The following RGMA variants were observed in gnomAD, a reference collection of about 807,000 sequenced individuals.
RGMA encodes repulsive guidance molecule BMP co-receptor a, also known as repulsive guidance molecule A.
Under a neutral mutation model 23.2 loss-of-function variants are expected in RGMA, and 10 were observed. That is an observed-to-expected ratio of 0.43 (90% CI 0.27 to 0.73). RGMA has a LOEUF of 0.73. Ranked by LOEUF, RGMA falls within the 30% of genes least tolerant of loss-of-function variation. RGMA has a pLI of 0.20. For synonymous variants in RGMA, 308 were observed against 279.3 expected (o/e 1.10, Z -1.03); for missense variants, 547 against 630.5 (o/e 0.87, Z 1.42).
At chr15:93,080,528 G>T (rs1187436699) in intron 1 of RGMA, among the ~76,000 whole-genome samples, 2 of 152,224 alleles carry the variant, frequency 1.3e-5, no homozygotes, top group African/African-American at 4.8e-5. Context: ...CCTCTGATGA[G>T]ATCACAGCTG....
rs577863941 is a variant in RGMA, at chr15:93,052,461, G to C, written c.177C>G (p.Ser59Arg). ...KILKCNSEFW[S>R]ATSGSHAPAS... ...CTGGGGCGTGGCTGCCCGACGTGGC[G>C]CTCCAGAACTCAGAGTTGCACTTGA... Residue 59 changes from serine to arginine, a missense_variant, in exon 3 of 4, where the codon AGC (serine) becomes AGG (arginine). By Grantham distance (110) the Ser-to-Arg change is moderately radical (BLOSUM62 -1). This residue lies in a region of RGMA where 214 missense variants were observed against 234.7 expected (regional missense o/e 0.91). Coordinates refer to ENST00000329082, the MANE Select transcript of RGMA (RefSeq NM_020211.3). The C allele has an allele frequency of 6.3e-7, 1 of 1,588,994 alleles. No homozygotes were observed. Among genetic ancestry groups the C allele is most frequent in the Non-Finnish European group, 8.5e-7 (1 of 1,172,860 alleles).
rs1045450157 is a variant in RGMA at position 93,056,590 on chromosome 15, G to A, written c.131-4083C>T. 1.3e-5 allele frequency among the ~76,000 whole-genome samples: 2 copies of A among 152,106 alleles called. 1 individual carries two copies. Among genetic ancestry groups the A allele is most frequent in the South Asian group, 4.1e-4 (2 of 4,824 alleles). On this transcript the variant is annotated intron_variant, in intron 2 of 3. Transcript: ENST00000329082. ...GTTGCACACAGGAACCAGGGTCCCCGTCTCCCCGACTCCTCTGTAGGCTTC... is the reference window on the plus strand; with the variant it reads ...GTTGCACACAGGAACCAGGGTCCCCATCTCCCCGACTCCTCTGTAGGCTTC...
Position 93,052,139 on chromosome 15 carries a change from C to T in RGMA, c.499G>A (p.Gly167Arg), listed in dbSNP as rs756255260. The T allele has an allele frequency of 1.9e-6, 3 of 1,613,848 alleles. No individual in the cohort carries two copies. Among genetic ancestry groups the T allele is most frequent in the South Asian group, 1.1e-5 (1 of 91,068 alleles). ...GTGAAAGTCCTGAGGTGTGGGTCCC[C>T]GAAGAGGCCACAGTGCGTGTAGTTG... ...TPNYTHCGLF[G>R]DPHLRTFTDR... The change falls in exon 3 of 4, where the codon GGG becomes AGG. Residue 167 changes from glycine to arginine, a missense_variant. Around this residue, in one of 3 missense-constraint regions of RGMA, gnomAD observed 128 missense variants for 191.7 expected, o/e 0.67. Coordinates refer to ENST00000329082, the MANE Select transcript of RGMA (RefSeq NM_020211.3).
At chr15:93,075,702 C>T (rs1169844084) in intron 1 of RGMA, among the ~76,000 whole-genome samples, 3 of 152,290 alleles carry the variant, frequency 2.0e-5, no homozygotes, top group Non-Finnish European at 1.5e-5. Context: ...TCGGAAGAGG[C>T]CCCAGGCCAT....
At chr15:93,073,878 G>A (rs11854629) in intron 1 of RGMA, 44,051 of 1,465,722 alleles carry the variant, frequency 0.03, 1,000 homozygotes, top group African/African-American at 0.086. Context: ...CCTTGGCACA[G>A]CTGCCACTCC....
chr15:93,073,101 C>T (rs1381160754), intron 1 of RGMA, 70 bp from the exon 2 acceptor site: 7 of 1,402,840 alleles, frequency 5.0e-6, no homozygotes, highest in Admixed American at 2.6e-5. Context: ...CTCGCTCCGC[C>T]GGCGGGAGCA....
intron 1 of RGMA, among the ~76,000 whole-genome samples, chr15:93,081,306 C>T (rs1379815886): frequency 6.6e-6 from 1 of 152,176 alleles, no homozygotes; most frequent in Non-Finnish European, 1.5e-5. Context: ...CATTCTGAGG[C>T]CTCATCTGTA....
intron 2 of RGMA, among the ~76,000 whole-genome samples, chr15:93,058,180 C>G (rs536862960): frequency 5.3e-5 from 8 of 152,300 alleles, no homozygotes; most frequent in African/African-American, 1.9e-4. Flanking sequence ...TTTCCCCACC[C>G]AGAGAGAACT....
rs370418158 is a variant in RGMA at position 93,038,376 on chromosome 15, A to C, written c.*6622T>G. 2 of 152,140 alleles carry C rather than the reference A, an allele frequency of 1.3e-5. No homozygotes were observed. The highest frequency in any genetic ancestry group is 4.8e-5 in the African/African-American group (2 of 41,430). 9.4% of individuals were successfully genotyped at this position (152,140 alleles called of 1,614,324 possible). A position where few individuals can be genotyped will look rare whatever the true frequency, so the allele number is the denominator to read the frequency against. On this transcript the variant is annotated 3_prime_UTR_variant, in exon 4 of 4. Transcript: ENST00000329082. ...CCATACCTGAGATTTGCACACAGGA[A>C]AGTGCAGTCCCTGCCCTTGTGTGTC...
At chr15:93,053,632 G>A (rs548662934) in intron 2 of RGMA, among the ~76,000 whole-genome samples, 1 of 152,320 alleles carries the variant, frequency 6.6e-6, no homozygotes, top group Admixed American at 6.5e-5. Context: ...AGGCTAACGC[G>A]AGCACGAGTG....
chr15:93,037,233 G>A lies in RGMA; in HGVS notation c.*7765C>T, dbSNP rs557333044. Reference sequence around the variant, plus strand: ...TCATTGTTCCCTCACAGCTGAGATAGCTGAGGCTGCAAAACAAGGAAAACC... The same window carrying A: ...TCATTGTTCCCTCACAGCTGAGATAACTGAGGCTGCAAAACAAGGAAAACC... On this transcript the variant is annotated 3_prime_UTR_variant, in exon 4 of 4. Coordinates refer to ENST00000329082, the MANE Select transcript of RGMA (RefSeq NM_020211.3). The surrounding 1 kb of genome is among the most constrained non-coding windows in gnomAD (Gnocchi z 4.3). 4.1e-4 allele frequency: 63 copies of A among 152,360 alleles called. No individual in the cohort carries two copies. The highest frequency in any genetic ancestry group is 1.3e-3 in the African/African-American group (56 of 41,570). The allele number at this position is 152,360 out of a possible 1,614,324, so 9.4% of individuals were successfully genotyped here. A position where few individuals can be genotyped will look rare whatever the true frequency, so the allele number is the denominator to read the frequency against.
chr15:93,063,923 G>A (rs1596095191), intron 2 of RGMA, among the ~76,000 whole-genome samples: 1 of 152,206 alleles, frequency 6.6e-6, no homozygotes, highest in African/African-American at 2.4e-5. Context: ...TGCCACTCAC[G>A]GAGCTCAGGC....
rs921301626 is a variant in RGMA, at chr15:93,045,937, T to C, written c.646-232A>G. Among the ~76,000 whole-genome samples the C allele has an allele frequency of 6.6e-6, 1 of 152,220 alleles. No homozygotes were observed. Among genetic ancestry groups the C allele is most frequent in the Non-Finnish European group, 1.5e-5 (1 of 68,046 alleles). On this transcript the variant is annotated intron_variant, in intron 3 of 3. Transcript: ENST00000329082. This position sits in a 1 kb window ranked among gnomAD's most constrained non-coding sequence, Gnocchi z 6.9. ...CTTTAAAAAGTGACTTAGAAAAATG[T>C]TAGACCACTACCCTAAGTAGAAAAC...
rs1228460443 is a variant in RGMA, at chr15:93,045,490, G to T, written c.861C>A (p.Gly287=). ...IGTTIVVRQV[G]RYLTFAVRMP... ...TGCGGACGGCAAAGGTCAGGTAGCG[G>T]CCCACCTGGCGCACCACGATGGTGG... The change falls in exon 4 of 4, where the codon GGC becomes GGA. Residue 287 remains glycine, a synonymous_variant. Coordinates refer to ENST00000329082, the MANE Select transcript of RGMA (RefSeq NM_020211.3). This position sits in a 1 kb window ranked among gnomAD's most constrained non-coding sequence, Gnocchi z 6.9. 7.4e-6 allele frequency: 12 copies of T among 1,613,088 alleles called. No homozygotes were observed. Among genetic ancestry groups the T allele is most frequent in the Non-Finnish European group, 7.6e-6 (9 of 1,179,824 alleles).
At chr15:93,066,398 A>C in intron 2 of RGMA, 3 of 684,896 alleles carry the variant, frequency 4.4e-6, no homozygotes, top group East Asian at 3.3e-5. Context: ...AGGTGGGGGA[A>C]ACGGGGGGCG....
chr15:93,053,675 G>A (rs2054965417), intron 2 of RGMA, among the ~76,000 whole-genome samples: 1 of 152,204 alleles, frequency 6.6e-6, no homozygotes, highest in Admixed American at 6.5e-5. Flanking sequence ...TGTGAACCCA[G>A]CCTGCATTGT....
rs924388875 is a variant in RGMA at position 93,039,513 on chromosome 15, T to A, written c.*5485A>T. 2 of 152,302 alleles carry A rather than the reference T, an allele frequency of 1.3e-5. No homozygotes were observed. Among genetic ancestry groups the A allele is most frequent in the African/African-American group, 4.8e-5 (2 of 41,540 alleles). 9.4% of individuals were successfully genotyped at this position (152,302 alleles called of 1,614,324 possible). ...ACCTATGAACCCGTCATCATCTACA[T>A]TGGGTATTTCTCCTGATGCTCTCCC... On this transcript the variant is annotated 3_prime_UTR_variant, in exon 4 of 4. Coordinates refer to ENST00000329082, the MANE Select transcript of RGMA (RefSeq NM_020211.3).
At chr15:93,062,060 G>A (rs1003446834) in intron 2 of RGMA, among the ~76,000 whole-genome samples, 1 of 151,940 alleles carries the variant, frequency 6.6e-6, no homozygotes, top group Non-Finnish European at 1.5e-5. Flanking sequence ...CAGTTACTGT[G>A]TAGGAGGGGT....
chr15:93,061,215 C>T lies in RGMA; in HGVS notation c.131-8708G>A, dbSNP rs185719927. Among the ~76,000 whole-genome samples, 14 of 152,314 alleles carry T rather than the reference C, an allele frequency of 9.2e-5. No individual in the cohort carries two copies. In the East Asian group the frequency reaches 9.6e-4, roughly 10 times the overall value. Reference sequence around the variant, plus strand: ...TGTCGCCCAGGCTGGTATGCAGTGGCGCGACCTTGGCTCACACAACCTCCA... The same window carrying T: ...TGTCGCCCAGGCTGGTATGCAGTGGTGCGACCTTGGCTCACACAACCTCCA... On this transcript the variant is annotated intron_variant, in intron 2 of 3. Transcript: ENST00000329082.
Sources: gnomAD v4.1 joint callset for allele counts (sites outside exome capture counted in the v4.1 genomes callset) on GRCh38, gnomAD v4.1.1 for gene constraint, gnomAD v4.1.1 regional missense constraint, Gnocchi (gnomAD v3.1) non-coding constraint, MANE v1.5 for transcripts, NCBI Gene and HGNC (gene_info 2026-07-23, HGNC 2026-07-21) for gene names.